Variants in MAP3K4 observed in about 807,000 individuals in gnomAD.
MAP3K4 encodes the protein MAP three kinase 1.
MAP3K4 carries 67 observed loss-of-function variants against 185.6 expected under a neutral mutation model. The observed-to-expected ratio is 0.36, with a 90% CI of 0.30 to 0.44. MAP3K4 has a LOEUF of 0.44. MAP3K4 is among the 20% of genes least tolerant of loss of function. MAP3K4 has a pLI of 1.00. For synonymous variants in MAP3K4, 702 were observed against 710.4 expected, an observed-to-expected ratio of 0.99 and a Z score of 0.19; for missense variants, 1,551 against 1,995.1, an observed-to-expected ratio of 0.78 and a Z score of 4.24.
At position 161,076,924 on chromosome 6, in the gene MAP3K4, C is replaced by T. The variant is rs1785204400; in HGVS notation, c.2097+3312C>T. ...CATGGTGATTGTAGAACCATGTGAA[C>T]AAGACTACAGCTGAGAAAAATGCCC... On this transcript the variant is annotated intron_variant, in intron 5 of 26. Transcript: ENST00000392142. The surrounding 1 kb of genome is among the most constrained non-coding windows in gnomAD (Gnocchi z 4.2). Among the ~76,000 whole-genome samples, 2 of 152,108 alleles carry T rather than the reference C, an allele frequency of 1.3e-5. No individual in the cohort carries two copies. Among genetic ancestry groups the T allele is most frequent in the South Asian group, 4.1e-4 (2 of 4,830 alleles).
chr6:161,082,025 C>T lies in MAP3K4; in HGVS notation c.2255+987C>T, dbSNP rs1785484573. ...TCTAGCTTTAGCTTTGTTCTTGACT[C>T]TGCCGATTTCTCCTATGTTCAGTCT... On this transcript the variant is annotated intron_variant, in intron 6 of 26. Transcript: ENST00000392142. The surrounding 1 kb of genome is among the most constrained non-coding windows in gnomAD (Gnocchi z 4.2). Among the ~76,000 whole-genome samples, 1 of 152,062 alleles carries T rather than the reference C, an allele frequency of 6.6e-6. No homozygotes were observed. Among genetic ancestry groups the T allele is most frequent in the African/African-American group, 2.4e-5 (1 of 41,412 alleles).
chr6:161,056,024 G>A lies in MAP3K4; in HGVS notation c.1707+6045G>A, dbSNP rs967914158. On this transcript the variant is annotated intron_variant, in intron 3 of 26. Coordinates refer to ENST00000392142, the MANE Select transcript of MAP3K4 (RefSeq NM_005922.4). The surrounding 1 kb of genome is among the most constrained non-coding windows in gnomAD (Gnocchi z 5.4). ...CAGTATGGACTCATAAATGTTTGCT[G>A]TTGTTTTTACTTTGAATTATAATCC... Among the ~76,000 whole-genome samples, 1 of 152,160 alleles carries A rather than the reference G, an allele frequency of 6.6e-6. No individual in the cohort carries two copies. The highest frequency in any genetic ancestry group is 1.5e-5 in the Non-Finnish European group (1 of 68,026).
intron 3 of MAP3K4, among the ~76,000 whole-genome samples, chr6:161,066,160 T>C (rs1003561788): frequency 6.6e-6 from 1 of 152,144 alleles, no homozygotes; most frequent in Non-Finnish European, 1.5e-5. Context: ...TCCAGTCTAG[T>C]TGTCATTTAA....
At chr6:161,012,867 C>T (rs537059966) in intron 1 of MAP3K4, among the ~76,000 whole-genome samples, 3 of 152,044 alleles carry the variant, frequency 2.0e-5, no homozygotes, top group Non-Finnish European at 4.4e-5. Context: ...GAGCATTTGG[C>T]GTGTTAATAA....
At chr6:161,104,372 C>G (rs1777960925) in intron 19 of MAP3K4, among the ~76,000 whole-genome samples, 1 of 147,938 alleles carries the variant, frequency 6.8e-6, no homozygotes, top group Non-Finnish European at 1.5e-5. Context: ...TGAGATCGCG[C>G]CATCACACTC....
In MAP3K4 at chr6:161,049,771, A is replaced by G. The variant is rs778650948; in HGVS notation, c.1499A>G (p.Glu500Gly). ...ISKKLERLES[E>G]DDSLGWGAPD... ...AAGAAGCTTGAGAGGCTCGAATCTG[A>G]GGATGATTCTCTTGGCTGGGGAGCA... The change falls in exon 3 of 27, where the codon GAG becomes GGG. Residue 500 changes from glutamate to glycine, a missense_variant. Glu to Gly is a moderately conservative substitution (Grantham distance 98). Around this residue, in one of 16 missense-constraint regions of MAP3K4, gnomAD observed 126 missense variants for 112.8 expected, o/e 1.12. Transcript: ENST00000392142. This position sits in a 1 kb window ranked among gnomAD's most constrained non-coding sequence, Gnocchi z 8.4. The G allele has an allele frequency of 1.9e-6, 3 of 1,614,150 alleles. No homozygotes were observed. Among genetic ancestry groups the G allele is most frequent in the African/African-American group, 1.3e-5 (1 of 75,054 alleles).
In MAP3K4 at chr6:161,075,917, C is replaced by G. The variant is rs995963401; in HGVS notation, c.2097+2305C>G. Among the ~76,000 whole-genome samples the G allele has an allele frequency of 1.2e-4, 18 of 151,934 alleles. 1 individual carries two copies. The highest frequency in any genetic ancestry group is 1.5e-5 in the Non-Finnish European group (1 of 68,008). ...AGGTGTGTTCTGAGGACTAGGGGAG[C>G]CCAAACAAAATCAGTGTTTCTATTA... On this transcript the variant is annotated intron_variant, in intron 5 of 26. Transcript: ENST00000392142. The surrounding 1 kb of genome is among the most constrained non-coding windows in gnomAD (Gnocchi z 4.3).
At chr6:161,000,958 T>C (rs991331502) in intron 1 of MAP3K4, among the ~76,000 whole-genome samples, 1 of 145,760 alleles carries the variant, frequency 6.9e-6, no homozygotes, top group African/African-American at 2.5e-5. Flanking sequence ...GTGCATATTA[T>C]ATATAATATA....
intron 1 of MAP3K4, among the ~76,000 whole-genome samples, chr6:161,011,956 C>G (rs1015327802): frequency 6.6e-6 from 1 of 152,170 alleles, no homozygotes; most frequent in Non-Finnish European, 1.5e-5. Context: ...TTGGTACGGT[C>G]TCTGCCTAGT....
At chr6:161,032,056 A>G (rs1782955662) in intron 1 of MAP3K4, among the ~76,000 whole-genome samples, 1 of 152,234 alleles carries the variant, frequency 6.6e-6, no homozygotes, top group South Asian at 2.1e-4. Context: ...TGTTAAGTGC[A>G]TTATTATGAA....
At chr6:161,090,919 C>G (rs755078507) in intron 11 of MAP3K4, among the ~76,000 whole-genome samples, 2 of 152,242 alleles carry the variant, frequency 1.3e-5, no homozygotes, top group African/African-American at 4.8e-5. Flanking sequence ...TGGACAACGT[C>G]TCCAGACGCT....
intron 1 of MAP3K4, among the ~76,000 whole-genome samples, chr6:161,006,856 C>G (rs997282416): frequency 6.6e-6 from 1 of 152,034 alleles, no homozygotes; most frequent in Admixed American, 6.6e-5. Flanking sequence ...CCGAGATCTG[C>G]TTCTTGGTGG....
Position 161,108,094 on chromosome 6 carries a change from A to G in MAP3K4, c.4119+125A>G. The G allele has an allele frequency of 1.3e-6, 1 of 750,426 alleles. No homozygotes were observed. Among genetic ancestry groups the G allele is most frequent in the Non-Finnish European group, 2.2e-6 (1 of 460,234 alleles). The allele number at this position is 750,426 out of a possible 1,614,324, so 46.5% of individuals were successfully genotyped here. A position where few individuals can be genotyped will look rare whatever the true frequency, so the allele number is the denominator to read the frequency against. On this transcript the variant is annotated intron_variant, in intron 21 of 26. Transcript: ENST00000392142. The surrounding 1 kb of genome is among the most constrained non-coding windows in gnomAD (Gnocchi z 5.7). The stretch of plus-strand genomic sequence containing the variant: ...CTGTCTTCAGCACCAGCACTGCGAC[A>G]GTCAGGACCAACCAGGCAGATGCAC...
At chr6:160,994,622 T>C (rs1286430251) in intron 1 of MAP3K4, among the ~76,000 whole-genome samples, 1 of 152,198 alleles carries the variant, frequency 6.6e-6, no homozygotes, top group East Asian at 1.9e-4. Context: ...CTTTTTCATA[T>C]GATTAGTTGT....
At chr6:161,050,864 T>C (rs571257217) in intron 3 of MAP3K4, among the ~76,000 whole-genome samples, 1 of 152,348 alleles carries the variant, frequency 6.6e-6, no homozygotes, top group East Asian at 1.9e-4. Flanking sequence ...TGAATTTTAG[T>C]AGCTGTATAC....
rs9458091 is a variant in MAP3K4, at chr6:161,017,094, T to A, written c.153-17165T>A. On this transcript the variant is annotated intron_variant, in intron 1 of 26. Coordinates refer to ENST00000392142, the MANE Select transcript of MAP3K4 (RefSeq NM_005922.4). This position sits in a 1 kb window ranked among gnomAD's most constrained non-coding sequence, Gnocchi z 5.1. The stretch of plus-strand genomic sequence containing the variant: ...TCTTGTGTGCACTGAAAAAAGAATT[T>A]TAGAAGCGAAAAAAGAACAACAAAG... 0.027 allele frequency among the ~76,000 whole-genome samples: 4,111 copies of A among 152,182 alleles called. 122 individuals are homozygous for A. Among genetic ancestry groups the A allele is most frequent in the African/African-American group, 0.072 (2,992 of 41,526 alleles).
In MAP3K4 at chr6:161,043,046, A is replaced by C. The variant is rs890453365; in HGVS notation, c.344-5570A>C. Among the ~76,000 whole-genome samples, 1 of 152,148 alleles carries C rather than the reference A, an allele frequency of 6.6e-6. No individual in the cohort carries two copies. Among genetic ancestry groups the C allele is most frequent in the Non-Finnish European group, 1.5e-5 (1 of 68,024 alleles). On this transcript the variant is annotated intron_variant, in intron 2 of 26. Coordinates refer to ENST00000392142, the MANE Select transcript of MAP3K4 (RefSeq NM_005922.4). This position sits in a 1 kb window ranked among gnomAD's most constrained non-coding sequence, Gnocchi z 4.3. ...TATCTGCTAACAGTAGTGAAATTAG[A>C]ATGTTTGCTTTTTAAAGAATATCAT... is the stretch of plus-strand genomic sequence containing the variant.
chr6:161,026,394 C>T (rs1486833308), intron 1 of MAP3K4, among the ~76,000 whole-genome samples: 2 of 152,078 alleles, frequency 1.3e-5, no homozygotes, highest in African/African-American at 4.8e-5. Context: ...CTTGGCCTCC[C>T]AAAGTGCTGG....
rs781502431 is a variant in MAP3K4 at position 161,089,477 on chromosome 6, A to G, written c.2973+6A>G. 2.1e-5 allele frequency: 34 copies of G among 1,614,042 alleles called. No homozygotes were observed. The highest frequency in any genetic ancestry group is 2.9e-5 in the Non-Finnish European group (34 of 1,179,982). On this transcript the variant is annotated splice_donor_region_variant and intron_variant, in intron 11 of 26. Transcript: ENST00000392142. ...AAGCTTTGCAGCAGCTGAAGGTATT[A>G]CACTGTCCTCTACATTAGCTGAGAT...
Sources: allele counts gnomAD v4.1 joint callset (sites outside exome capture counted in the v4.1 genomes callset), GRCh38; gene constraint gnomAD v4.1.1; regional missense constraint gnomAD v4.1.1; non-coding constraint Gnocchi (gnomAD v3.1); transcripts MANE v1.5; gene names NCBI Gene and HGNC (gene_info 2026-07-23, HGNC 2026-07-21).